LUZP2: variants seen among roughly 807,000 people sequenced by gnomAD.
LUZP2 encodes the protein leucine zipper protein 2.
LUZP2 carries 52 observed loss-of-function variants against 51.6 expected under a neutral mutation model. The observed-to-expected ratio is 1.01, with a 90% CI of 0.81 to 1.27. The LOEUF is 1.27. Among genes scored for constraint, LUZP2 ranks in the 50% most tolerant of loss-of-function variants. The pLI, the probability that LUZP2 is intolerant of heterozygous loss-of-function variation, is 0.00. For missense variants in LUZP2, 436 were observed against 395.4 expected, an observed-to-expected ratio of 1.10 and a Z score of -0.87; for synonymous variants, 154 against 137.3, an observed-to-expected ratio of 1.12 and a Z score of -0.85.
At chr11:25,053,581 C>T (rs1027016336) in intron 10 of LUZP2, among the ~76,000 whole-genome samples, 1 of 151,154 alleles carries the variant, frequency 6.6e-6, no homozygotes, top group African/African-American at 2.4e-5. Flanking sequence ...TCCTCATCCC[C>T]ACACTAAGCC....
intron 4 of LUZP2, among the ~76,000 whole-genome samples, chr11:24,742,884 T>C (rs562509364): frequency 1.3e-5 from 2 of 152,038 alleles, no homozygotes; most frequent in East Asian, 3.9e-4. Flanking sequence ...AGGTGAGAGA[T>C]GAAGATTATT....
intron 10 of LUZP2, among the ~76,000 whole-genome samples, chr11:25,071,327 A>G (rs1859152376): frequency 6.6e-6 from 1 of 151,980 alleles, no homozygotes. Flanking sequence ...GCACACCAAC[A>G]TGGCACATGT....
At chr11:24,635,492 T>G (rs1207836274) in intron 1 of LUZP2, among the ~76,000 whole-genome samples, 1 of 151,852 alleles carries the variant, frequency 6.6e-6, no homozygotes, top group Non-Finnish European at 1.5e-5. Flanking sequence ...TAAAATATAT[T>G]TTGTCACCAA....
chr11:24,785,486 A>C (rs1849218246), intron 5 of LUZP2, among the ~76,000 whole-genome samples: 1 of 151,962 alleles, frequency 6.6e-6, no homozygotes, highest in African/African-American at 2.4e-5. Flanking sequence ...ATAGCCTGTG[A>C]CCTGTAAAGA....
At chr11:24,926,290 TGTGTATATATATAC>T (rs1295173356) in intron 7 of LUZP2, among the ~76,000 whole-genome samples, 21 of 141,334 alleles carry the variant, frequency 1.5e-4, no homozygotes, top group African/African-American at 4.9e-4. Context: ...TATATATACG[TGTGTATATATATAC>T]GTGTGTATAT....
chr11:24,832,695 T>G (rs1278292176), intron 5 of LUZP2, among the ~76,000 whole-genome samples: 2 of 151,846 alleles, frequency 1.3e-5, no homozygotes, highest in African/African-American at 4.8e-5. Flanking sequence ...ATAAAAAAAT[T>G]AGAATATCTT....
At chr11:24,915,395 T>G (rs1590723894) in intron 7 of LUZP2, among the ~76,000 whole-genome samples, 1 of 152,096 alleles carries the variant, frequency 6.6e-6, no homozygotes, top group Admixed American at 6.6e-5. Context: ...ATATACATAT[T>G]GTGTCTTCAT....
At chr11:24,647,927 T>G (rs889682822) in intron 1 of LUZP2, among the ~76,000 whole-genome samples, 3 of 151,882 alleles carry the variant, frequency 2.0e-5, no homozygotes, top group Non-Finnish European at 4.4e-5. Flanking sequence ...TTTAATGAAA[T>G]AAGGTGCCTG....
Position 25,036,812 on chromosome 11 carries a change from C to T in LUZP2, c.766-13226C>T, listed in dbSNP as rs536219740. On this transcript the variant is annotated intron_variant, in intron 9 of 11. Transcript: ENST00000336930. ...GATTTCTATTTTATTGCACTGGGGT[C>T]CAGGAGTGTGCTTGGTATAATTTCA... Among the ~76,000 whole-genome samples, 67 of 151,858 alleles carry T rather than the reference C, an allele frequency of 4.4e-4. No homozygotes were observed. In the South Asian group the frequency reaches 0.013, roughly 29 times the overall value.
chr11:24,756,092 CTTTCTGCTGGCT>C (rs1456569299), intron 4 of LUZP2, among the ~76,000 whole-genome samples: 4 of 152,140 alleles, frequency 2.6e-5, no homozygotes, highest in African/African-American at 9.7e-5. Flanking sequence ...CCAAGCATTT[CTTTCTGCTGGCT>C]TCAACTGTAG....
intron 7 of LUZP2, among the ~76,000 whole-genome samples, chr11:24,957,706 T>G (rs981394994): frequency 2.6e-5 from 4 of 152,190 alleles, no homozygotes; most frequent in African/African-American, 9.7e-5. Context: ...TAATATTTCC[T>G]TGTTTATATA....
chr11:24,643,920 G>A (rs2055787), intron 1 of LUZP2, among the ~76,000 whole-genome samples: 81,462 of 151,932 alleles, frequency 0.54, 23,233 homozygotes, highest in Admixed American at 0.64. Flanking sequence ...TCCTTTATTC[G>A]TAATGTAATG....
intron 5 of LUZP2, among the ~76,000 whole-genome samples, chr11:24,831,602 A>G (rs1850707386): frequency 6.6e-6 from 1 of 152,238 alleles, no homozygotes; most frequent in South Asian, 2.1e-4. Flanking sequence ...TTAAAATTAC[A>G]TATAATGAAG....
At chr11:24,923,932 A>T (rs1280680640) in intron 7 of LUZP2, among the ~76,000 whole-genome samples, 5 of 152,146 alleles carry the variant, frequency 3.3e-5, no homozygotes, top group African/African-American at 1.2e-4. Flanking sequence ...GTAAAAATGC[A>T]GATTCACTAA....
chr11:24,722,979 A>G (rs1396050791), intron 1 of LUZP2, among the ~76,000 whole-genome samples: 1 of 152,072 alleles, frequency 6.6e-6, no homozygotes. Flanking sequence ...TTATTTTAAT[A>G]CTTTTAATCA....
chr11:24,658,939 G>A (rs1565059127), intron 1 of LUZP2, among the ~76,000 whole-genome samples: 1 of 152,218 alleles, frequency 6.6e-6, no homozygotes, highest in Admixed American at 6.5e-5. Context: ...TGGAGAGGAT[G>A]TGGAGAAATA....
intron 5 of LUZP2, among the ~76,000 whole-genome samples, chr11:24,773,308 A>T (rs900008399): frequency 2.0e-5 from 3 of 152,244 alleles, no homozygotes; most frequent in Non-Finnish European, 4.4e-5. Context: ...TAACCATGAG[A>T]AATGTAAAGA....
At chr11:24,570,152 A>G (rs1277890884) in intron 1 of LUZP2, among the ~76,000 whole-genome samples, 1 of 152,036 alleles carries the variant, frequency 6.6e-6, no homozygotes, top group Non-Finnish European at 1.5e-5. Flanking sequence ...AAACTAGGGC[A>G]AAATTCCATG....
chr11:24,878,416 G>A (rs74436856), intron 5 of LUZP2, among the ~76,000 whole-genome samples: 3,353 of 152,156 alleles, frequency 0.022, 68 homozygotes, highest in Admixed American at 0.049. Context: ...GCCACCAGGT[G>A]TATTGGAGCA....
Sources: gnomAD v4.1 joint callset for allele counts (sites outside exome capture counted in the v4.1 genomes callset) on GRCh38, gnomAD v4.1.1 for gene constraint, MANE v1.5 for transcripts, NCBI Gene and HGNC (gene_info 2026-07-23, HGNC 2026-07-21) for gene names.